Variants in ABL2 observed in about 807,000 individuals in gnomAD.
ABL2 encodes the protein ABL proto-oncogene 2, non-receptor tyrosine kinase, also known as tyrosine-protein kinase ABL2.
Under a neutral mutation model 107.7 loss-of-function variants are expected in ABL2, and 49 were observed. That is an observed-to-expected ratio of 0.45 (90% confidence interval 0.36 to 0.58). The LOEUF (loss-of-function observed/expected upper bound fraction) is 0.58, where lower values mean the gene tolerates loss of function less well. Ranked by LOEUF, ABL2 falls within the 20% of genes least tolerant of loss-of-function variation. The probability of loss-of-function intolerance (pLI) is 0.00; values close to 1 mark genes in which losing one functional copy is unlikely to be tolerated. For missense variants in ABL2, 1,245 were observed against 1,457.0 expected (o/e 0.85, Z 2.37); for synonymous variants, 549 against 548.6 (o/e 1.00, Z -0.01).
At position 179,124,464 on chromosome 1, in the gene ABL2, C is replaced by CTTTTTTTTTTT. The variant is rs562899587; in HGVS notation, c.687+1902_687+1912dup. On this transcript the variant is annotated intron_variant, in intron 4 of 11. Transcript: ENST00000502732. ...TTCTAACATCTTAGATTAGCTTCTG[C>CTTTTTTTTTTT]TTTTTTTTTTTTTTTTTTTTTTGAG... Among the ~76,000 whole-genome samples the CTTTTTTTTTTT allele has an allele frequency of 4.0e-3, 335 of 83,356 alleles. 73 individuals carry two copies. The highest frequency in any genetic ancestry group is 0.015 in the African/African-American group (274 of 18,840). 54.7% of individuals were successfully genotyped at this position (83,356 alleles called of 152,430 possible). A position where few individuals can be genotyped will look rare whatever the true frequency, so the allele number is the denominator to read the frequency against.
intron 1 of ABL2, among the ~76,000 whole-genome samples, chr1:179,169,416 C>T (rs1389244357): frequency 1.3e-5 from 2 of 151,988 alleles, no homozygotes; most frequent in East Asian, 3.9e-4. Flanking sequence ...GGCGTGGTGG[C>T]GGGCACCTGT....
chr1:179,108,989 T>C lies in ABL2; in HGVS notation c.2278A>G (p.Thr760Ala). The C allele has an allele frequency of 6.2e-7, 1 of 1,614,080 alleles. No homozygotes were observed. Among genetic ancestry groups the C allele is most frequent in the South Asian group, 1.1e-5 (1 of 91,078 alleles). ...GGTTTACCTGCTCGTAAGCCCAGTG[T>C]CTTTTTGATTAAGCGTGGTGTAAAG... ...GFFTPRLIKK[T>A]LGLRAGKPTA... The change falls in exon 12 of 12, where the codon ACA becomes GCA. Residue 760 changes from threonine (T) to alanine (A), a missense_variant. Thr to Ala is a moderately conservative substitution (Grantham distance 58, BLOSUM62 0). This residue lies in a region of ABL2 where 761 missense variants were observed against 766.4 expected (regional missense o/e 0.99). Coordinates refer to ENST00000502732, the MANE Select transcript of ABL2 (RefSeq NM_007314.4).
chr1:179,189,437 T>C (rs1164544188), intron 1 of ABL2, among the ~76,000 whole-genome samples: 1 of 151,972 alleles, frequency 6.6e-6, no homozygotes, highest in African/African-American at 2.4e-5. Context: ...CCCTGCCCTG[T>C]TCTAGGGTAT....
At chr1:179,148,465 G>C (rs1468875775) in intron 1 of ABL2, among the ~76,000 whole-genome samples, 9 of 152,120 alleles carry the variant, frequency 5.9e-5, no homozygotes, top group Admixed American at 5.9e-4. Context: ...AGTGATCTTT[G>C]ATGTCACTAC....
chr1:179,151,400 A>G (rs1013244895), intron 1 of ABL2, among the ~76,000 whole-genome samples: 12 of 152,234 alleles, frequency 7.9e-5, no homozygotes, highest in African/African-American at 2.9e-4. Flanking sequence ...CTAAGCTCAA[A>G]GCACCCATTG....
At position 179,219,566 on chromosome 1, in the gene ABL2, G is replaced by C. The variant is rs182062877; in HGVS notation, c.157+9675C>G. On this transcript the variant is annotated intron_variant, in intron 1 of 11. Coordinates refer to ENST00000502732, the MANE Select transcript of ABL2 (RefSeq NM_007314.4). ...TGTTTCTGGTTCAAGTTCTTTGATG[G>C]AAGAAAAAGATGTCTACAAGAACCA... 2.6e-4 allele frequency among the ~76,000 whole-genome samples: 39 copies of C among 152,288 alleles called. No individual in the cohort carries two copies. The South Asian group carries it at 5.0e-3, about 19-fold the overall frequency.
intron 1 of ABL2, among the ~76,000 whole-genome samples, chr1:179,143,749 G>A (rs1369257992): frequency 6.6e-6 from 1 of 152,136 alleles, no homozygotes; most frequent in East Asian, 1.9e-4. Context: ...CAGGCTGGAA[G>A]GCAGTGGCGC....
chr1:179,225,180 A>G (rs1278460036), intron 1 of ABL2, among the ~76,000 whole-genome samples: 1 of 152,252 alleles, frequency 6.6e-6, no homozygotes, highest in Non-Finnish European at 1.5e-5. Context: ...GCAAATTATT[A>G]TCACAGCTTA....
intron 5 of ABL2, 34 bp downstream of exon 5, chr1:179,121,561 A>G (rs770823357): frequency 6.3e-7 from 1 of 1,594,280 alleles, no homozygotes; most frequent in Non-Finnish European, 8.6e-7. Context: ...CAAAAGAAAA[A>G]GATGCCTGAA....
At chr1:179,229,207 C>CCCCCCCCCCCCCCAA in intron 1 of ABL2, 34 bp downstream of exon 1, 2 of 1,485,452 alleles carry the variant, frequency 1.3e-6, no homozygotes. Context: ...CCGGCCTCCC[C>CCCCCCCCCCCCCCAA]CACGCTCTCA....
At chr1:179,124,510 C>T (rs558323980) in intron 4 of ABL2, among the ~76,000 whole-genome samples, 2 of 117,770 alleles carry the variant, frequency 1.7e-5, no homozygotes, top group East Asian at 2.7e-4. Context: ...GCTCTGTTGC[C>T]CAGGCTGGAG....
At chr1:179,147,537 A>G (rs184913483) in intron 1 of ABL2, among the ~76,000 whole-genome samples, 1 of 152,338 alleles carries the variant, frequency 6.6e-6, no homozygotes, top group East Asian at 1.9e-4. Context: ...CTTAGCCATA[A>G]AGAAGAATAA....
In ABL2 at chr1:179,229,649, G is replaced by GCCGCCGCCA. The variant is rs1295379480; in HGVS notation, c.-253_-252insTGGCGGCGG. On this transcript the variant is annotated 5_prime_UTR_variant, in exon 1 of 12. Transcript: ENST00000502732. ...CGCCCCCAACGCCGCCGCCGCCGCCGCCGCCACCGCCGCCGCCATCTTTAA... is the reference window on the plus strand; with the variant it reads ...CGCCCCCAACGCCGCCGCCGCCGCCGCCGCCGCCACCGCCACCGCCGCCGCCATCTTTAA... The GCCGCCGCCA allele has an allele frequency of 8.3e-6, 4 of 480,526 alleles. No homozygotes were observed. The highest frequency in any genetic ancestry group is 1.4e-5 in the Non-Finnish European group (4 of 281,420). The allele number at this position is 480,526 out of a possible 1,614,324, so 29.8% of individuals were successfully genotyped here.
At chr1:179,208,844 A>G (rs940766029) in intron 1 of ABL2, among the ~76,000 whole-genome samples, 57 of 152,350 alleles carry the variant, frequency 3.7e-4, no homozygotes, top group African/African-American at 1.3e-3. Context: ...TTGGAGTTAT[A>G]TGCCTTGTTC....
intron 5 of ABL2, 136 bp downstream of exon 5, chr1:179,121,459 T>A (rs1021784408): frequency 1.7e-6 from 2 of 1,153,474 alleles, no homozygotes; most frequent in African/African-American, 3.1e-5. Context: ...CTAGGGTTAA[T>A]CATCTCAATT....
chr1:179,177,527 AAACAGT>A (rs1363173317), intron 1 of ABL2, among the ~76,000 whole-genome samples: 1 of 152,226 alleles, frequency 6.6e-6, no homozygotes, highest in African/African-American at 2.4e-5. Context: ...AAACTTCAAG[AAACAGT>A]AGATTAAGGA....
At chr1:179,145,292 T>C (rs1340935563) in intron 1 of ABL2, among the ~76,000 whole-genome samples, 1 of 152,180 alleles carries the variant, frequency 6.6e-6, no homozygotes, top group Non-Finnish European at 1.5e-5. Flanking sequence ...TACGAATAGT[T>C]AAAATAGTAA....
In ABL2 at chr1:179,108,235, G is replaced by A. The variant is rs1653646457; in HGVS notation, c.3032C>T (p.Ala1011Val). ...CTGTGTTTCTGATGTGGACTGTCCT[G>A]CAGTTAGGGCAGTTGGCTCTTCTGT... The part of the protein sequence containing the change: ...DPTEEPTALT[A>V]GQSTSETQEG... Residue 1011 changes from alanine to valine, a missense_variant, in exon 12 of 12, where the codon GCA becomes GTA. Around this residue, in one of 3 missense-constraint regions of ABL2, gnomAD observed 761 missense variants for 766.4 expected, o/e 0.99. Coordinates refer to ENST00000502732, the MANE Select transcript of ABL2 (RefSeq NM_007314.4). 6.2e-7 allele frequency: 1 copy of A among 1,614,026 alleles called. No homozygotes were observed. The highest frequency in any genetic ancestry group is 8.5e-7 in the Non-Finnish European group (1 of 1,180,038).
At chr1:179,129,229 T>TG (rs1213475602) in intron 3 of ABL2, among the ~76,000 whole-genome samples, 2 of 152,182 alleles carry the variant, frequency 1.3e-5, no homozygotes, top group Non-Finnish European at 2.9e-5. Flanking sequence ...TCAACAGTCT[T>TG]TCTTTATCAA....
Sources: gnomAD v4.1 joint callset for allele counts (sites outside exome capture counted in the v4.1 genomes callset) on GRCh38, gnomAD v4.1.1 for gene constraint, gnomAD v4.1.1 regional missense constraint, MANE v1.5 for transcripts, NCBI Gene and HGNC (gene_info 2026-07-23, HGNC 2026-07-21) for gene names.